AP3S2: variants seen among roughly 807,000 people sequenced by gnomAD.
The protein encoded by AP3S2 is adaptor related protein complex 3 subunit sigma 2.
AP3S2 carries 22 observed loss-of-function variants against 23.4 expected under a neutral mutation model. That is an observed-to-expected ratio of 0.94 (90% CI 0.67 to 1.34). The LOEUF (loss-of-function observed/expected upper bound fraction) is 1.34, where lower values mean the gene tolerates loss of function less well. Among genes scored for constraint, AP3S2 ranks in the 40% most tolerant of loss-of-function variants. AP3S2 has a pLI of 0.00. For missense variants in AP3S2, 241 were observed against 236.9 expected, an observed-to-expected ratio of 1.02 and a Z score of -0.11; for synonymous variants, 86 against 87.1, an observed-to-expected ratio of 0.99 and a Z score of 0.07.
At chr15:89,843,424 G>C (rs1895382309) in intron 4 of AP3S2, among the ~76,000 whole-genome samples, 1 of 151,958 alleles carries the variant, frequency 6.6e-6, no homozygotes, top group African/African-American at 2.4e-5. Context: ...GATCATTTGA[G>C]GTCAGGAGTT....
At position 89,882,517 on chromosome 15, in the gene AP3S2, G is replaced by A. The variant is rs141349232; in HGVS notation, c.273+6004C>T. Among the ~76,000 whole-genome samples, 28 of 151,986 alleles carry A rather than the reference G, an allele frequency of 1.8e-4. No individual in the cohort carries two copies. In the East Asian group the frequency reaches 4.9e-3, roughly 26 times the overall value. On this transcript the variant is annotated intron_variant, in intron 3 of 5. Coordinates refer to ENST00000336418, the MANE Select transcript of AP3S2 (RefSeq NM_005829.5). ...ATTACAGGCATGTGCCACCACACTC[G>A]GCTAATTTTTTGTATTTTTAGTAGA...
At chr15:89,864,820 G>A (rs1896081189) in intron 4 of AP3S2, among the ~76,000 whole-genome samples, 1 of 152,122 alleles carries the variant, frequency 6.6e-6, no homozygotes, top group African/African-American at 2.4e-5. Context: ...GGGATTATAG[G>A]CATTAGCCAC....
intron 1 of AP3S2, among the ~76,000 whole-genome samples, chr15:89,890,323 T>G (rs774440491): frequency 1.3e-5 from 2 of 152,246 alleles, no homozygotes; most frequent in Non-Finnish European, 2.9e-5. Flanking sequence ...GTGCTGGGAT[T>G]ACAGGTGTGA....
rs758146584 is a variant in AP3S2 at position 89,889,128 on chromosome 15, G to T, written c.82C>A (p.Gln28Lys). The change falls in exon 2 of 6, where the codon CAA (glutamine) becomes AAA (lysine). Residue 28 changes from glutamine to lysine, a missense_variant. Physicochemically the swap from Gln to Lys is moderately conservative, Grantham distance 53. Coordinates refer to ENST00000336418, the MANE Select transcript of AP3S2 (RefSeq NM_005829.5). ...RFYQRFPEEI[Q>K]QQIVRETFHL... is the part of the protein sequence containing the mutation. ...AAAGTCTCTCGAACAATCTGCTGTT[G>T]AATTTCTTCTGGCTATGAAACAAAA... 2 of 1,614,138 alleles carry T rather than the reference G, an allele frequency of 1.2e-6. No homozygotes were observed. Among genetic ancestry groups the T allele is most frequent in the Non-Finnish European group, 1.7e-6 (2 of 1,180,022 alleles).
rs890505930 is a variant in AP3S2, at chr15:89,834,254, T to C, written c.*1261A>G. 9.2e-5 allele frequency: 14 copies of C among 152,458 alleles called. No individual in the cohort carries two copies. The highest frequency in any genetic ancestry group is 7.2e-4 in the Admixed American group (11 of 15,306). The allele number at this position is 152,458 out of a possible 1,614,324, so 9.4% of individuals were successfully genotyped here. On this transcript the variant is annotated 3_prime_UTR_variant, in exon 6 of 6. Coordinates refer to ENST00000336418, the MANE Select transcript of AP3S2 (RefSeq NM_005829.5). ...CTCCAGAAGCTGGCCCAGGTGGCAG[T>C]GGGTTCCCTATGGAGGCAGCTCATC...
Position 89,877,503 on chromosome 15 carries a change from G to A in AP3S2, c.274-5957C>T, listed in dbSNP as rs1294183583. 1.6e-5 allele frequency: 12 copies of A among 747,774 alleles called. No homozygotes were observed. In the East Asian group the frequency reaches 5.1e-4, roughly 32 times the overall value. 46.3% of individuals were successfully genotyped at this position (747,774 alleles called of 1,614,324 possible). ...GTACAATTCAGTAGCATTCGATAAC[G>A]TTCATAATGTGCAACCATCACCACC... On this transcript the variant is annotated intron_variant, in intron 3 of 5. Transcript: ENST00000336418.
At chr15:89,864,456 T>G (rs1896071761) in intron 4 of AP3S2, among the ~76,000 whole-genome samples, 1 of 152,184 alleles carries the variant, frequency 6.6e-6, no homozygotes. Flanking sequence ...AAAAAACCTA[T>G]AGCAAATACT....
chr15:89,890,847 C>T (rs1896803374), intron 1 of AP3S2, among the ~76,000 whole-genome samples: 2 of 152,222 alleles, frequency 1.3e-5, no homozygotes, highest in Admixed American at 1.3e-4. Flanking sequence ...ATTACTTTGA[C>T]TCACATGGGT....
At chr15:89,849,224 C>G (rs1895574305) in intron 4 of AP3S2, among the ~76,000 whole-genome samples, 1 of 152,172 alleles carries the variant, frequency 6.6e-6, no homozygotes, top group South Asian at 2.1e-4. Context: ...GACATTAAAT[C>G]ACCATTAAAT....
At chr15:89,870,779 A>T (rs1274364149) in intron 4 of AP3S2, among the ~76,000 whole-genome samples, 1 of 152,236 alleles carries the variant, frequency 6.6e-6, no homozygotes, top group Non-Finnish European at 1.5e-5. Context: ...AACCAGGACC[A>T]AGCAAACCAA....
intron 4 of AP3S2, among the ~76,000 whole-genome samples, chr15:89,858,481 A>AGAGAGAGAGAGAGAGAGAGAG: frequency 2.8e-5 from 1 of 36,332 alleles, no homozygotes; most frequent in East Asian, 8.2e-4. Context: ...GAAAGAAAGA[A>AGAGAGAGAGAGAGAGAGAGAG]AGAAAGAAAG....
intron 4 of AP3S2, among the ~76,000 whole-genome samples, chr15:89,865,230 A>AAT (rs34212960): frequency 5.1e-4 from 77 of 150,296 alleles, no homozygotes; most frequent in East Asian, 4.1e-3. Flanking sequence ...CCACAAATGG[A>AAT]ATATATATAT....
chr15:89,862,460 A>G (rs1896028151), intron 4 of AP3S2, among the ~76,000 whole-genome samples: 1 of 152,230 alleles, frequency 6.6e-6, no homozygotes, highest in African/African-American at 2.4e-5. Context: ...AAAAGTTATG[A>G]TGTCTGCAAC....
intron 4 of AP3S2, among the ~76,000 whole-genome samples, chr15:89,843,237 GC>G (rs1289607057): frequency 6.6e-6 from 1 of 151,938 alleles, no homozygotes; most frequent in Non-Finnish European, 1.5e-5. Context: ...GTCCGCCTTG[GC>G]CTCCCAAAGT....
intron 3 of AP3S2, among the ~76,000 whole-genome samples, chr15:89,881,376 C>T (rs1896566354): frequency 6.6e-6 from 1 of 152,038 alleles, no homozygotes; most frequent in Non-Finnish European, 1.5e-5. Flanking sequence ...ATAGGTTAGA[C>T]AATAATTAGT....
chr15:89,845,199 G>A (rs1198352144), intron 4 of AP3S2: 7 of 152,160 alleles, frequency 4.6e-5, no homozygotes, highest in African/African-American at 1.4e-4. Flanking sequence ...GAGCCACCAT[G>A]CACAGCCAGA....
chr15:89,838,786 C>G (rs1895256285), intron 4 of AP3S2, among the ~76,000 whole-genome samples: 1 of 152,080 alleles, frequency 6.6e-6, no homozygotes, highest in Non-Finnish European at 1.5e-5. Context: ...GGAAGCTGGG[C>G]TCTGACATTA....
chr15:89,849,372 A>AT (rs958463709), intron 4 of AP3S2, among the ~76,000 whole-genome samples: 18 of 150,884 alleles, frequency 1.2e-4, no homozygotes, highest in African/African-American at 2.7e-4. Context: ...AATGAATTGT[A>AT]TTTTTTTTTC....
chr15:89,847,418 G>A (rs1379271360), intron 4 of AP3S2, among the ~76,000 whole-genome samples: 2 of 144,588 alleles, frequency 1.4e-5, no homozygotes, highest in Non-Finnish European at 3.0e-5. Context: ...ATTAAAATGA[G>A]TCTGCTAGTT....
Sources: allele counts gnomAD v4.1 joint callset (sites outside exome capture counted in the v4.1 genomes callset), GRCh38; gene constraint gnomAD v4.1.1; transcripts MANE v1.5; gene names NCBI Gene and HGNC (gene_info 2026-07-23, HGNC 2026-07-21).